The following EFCAB11 variants were observed in gnomAD, a reference collection of about 807,000 sequenced individuals.
EFCAB11 encodes the protein EF-hand calcium binding domain 11.
Under a neutral mutation model 23.0 loss-of-function variants are expected in EFCAB11, and 14 were observed. That is an observed-to-expected ratio of 0.61 (90% CI 0.40 to 0.95). EFCAB11 has a LOEUF of 0.95. Ranked by LOEUF, EFCAB11 falls within the 40% of genes least tolerant of loss-of-function variation. The pLI, the probability that EFCAB11 is intolerant of heterozygous loss-of-function variation, is 0.00. For missense variants in EFCAB11, 198 were observed against 195.8 expected (o/e 1.01, Z -0.07); for synonymous variants, 65 against 66.6 (o/e 0.98, Z 0.11).
At chr14:89,846,014 CTGAGTGACCT>C (rs1475097044) in intron 5 of EFCAB11, among the ~76,000 whole-genome samples, 2 of 152,194 alleles carry the variant, frequency 1.3e-5, no homozygotes, top group Non-Finnish European at 2.9e-5. Context: ...CATTTACAAG[CTGAGTGACCT>C]TGGGCAAGGG....
chr14:89,909,835 ACT>A (rs1373547834), intron 5 of EFCAB11, among the ~76,000 whole-genome samples: 2 of 152,100 alleles, frequency 1.3e-5, no homozygotes, highest in African/African-American at 4.8e-5. Flanking sequence ...CTGCAGATGC[ACT>A]CTGTCTAGAA....
chr14:89,928,793 TTAA>T (rs1451348240), intron 5 of EFCAB11, among the ~76,000 whole-genome samples: 1 of 147,450 alleles, frequency 6.8e-6, no homozygotes, highest in Non-Finnish European at 1.5e-5. Flanking sequence ...ATAAATGCAA[TTAA>T]TTATATATTA....
Position 89,883,519 on chromosome 14 carries a change from T to C in EFCAB11, c.410+48022A>G, listed in dbSNP as rs935664995. Among the ~76,000 whole-genome samples, 3 of 152,202 alleles carry C rather than the reference T, an allele frequency of 2.0e-5. No homozygotes were observed. The East Asian group carries it at 5.8e-4, about 29-fold the overall frequency. On this transcript the variant is annotated intron_variant, in intron 5 of 5. Coordinates refer to ENST00000316738, the MANE Select transcript of EFCAB11 (RefSeq NM_145231.4). ...CTTTAAATCATCTCCAGATTATTCA[T>C]AATGCCTAATACATTGTAAATGGCA...
chr14:89,858,336 C>T (rs116774214), intron 5 of EFCAB11, among the ~76,000 whole-genome samples: 1,802 of 152,250 alleles, frequency 0.012, 46 homozygotes, highest in African/African-American at 0.041. Context: ...TGAACTAGGA[C>T]GACCCAGCAA....
At chr14:89,887,706 ACTG>A (rs1888837531) in intron 5 of EFCAB11, among the ~76,000 whole-genome samples, 1 of 152,234 alleles carries the variant, frequency 6.6e-6, no homozygotes, top group African/African-American at 2.4e-5. Context: ...AAGACAACAG[ACTG>A]TAAATATATT....
At chr14:89,803,902 C>G (rs957593518) in intron 5 of EFCAB11, among the ~76,000 whole-genome samples, 2 of 152,046 alleles carry the variant, frequency 1.3e-5, no homozygotes, top group African/African-American at 4.8e-5. Context: ...ATTAATTTTA[C>G]CTTTTTAAAG....
At chr14:89,815,075 T>C (rs899308673) in intron 5 of EFCAB11, among the ~76,000 whole-genome samples, 1 of 152,174 alleles carries the variant, frequency 6.6e-6, no homozygotes, top group Non-Finnish European at 1.5e-5. Flanking sequence ...TGGTGTGCAG[T>C]TAGCTTAAAC....
intron 5 of EFCAB11, among the ~76,000 whole-genome samples, chr14:89,885,831 A>T (rs1012851285): frequency 6.6e-6 from 1 of 151,764 alleles, no homozygotes; most frequent in African/African-American, 2.4e-5. Flanking sequence ...AAGGAAAGAG[A>T]AAGAAAGAAG....
At position 89,797,146 on chromosome 14, in the gene EFCAB11, A is replaced by C; in HGVS notation, c.*97T>G. On this transcript the variant is annotated 3_prime_UTR_variant, in exon 6 of 6. Coordinates refer to ENST00000316738, the MANE Select transcript of EFCAB11 (RefSeq NM_145231.4). ...AAAATTAAAAATTTTTAAATGTTTA[A>C]TCACAAGTCTGTAGCATGACATCAT... 8.3e-7 allele frequency: 1 copy of C among 1,207,146 alleles called. No homozygotes were observed. Among genetic ancestry groups the C allele is most frequent in the Non-Finnish European group, 1.2e-6 (1 of 858,012 alleles). 74.8% of individuals were successfully genotyped at this position (1,207,146 alleles called of 1,614,324 possible).
At chr14:89,878,255 T>C (rs1311116389) in intron 5 of EFCAB11, among the ~76,000 whole-genome samples, 1 of 152,194 alleles carries the variant, frequency 6.6e-6, no homozygotes, top group Non-Finnish European at 1.5e-5. Context: ...CTTTTAGTTT[T>C]TACAAAGTCA....
chr14:89,921,629 C>T (rs1279733355), intron 5 of EFCAB11, among the ~76,000 whole-genome samples: 1 of 152,144 alleles, frequency 6.6e-6, no homozygotes, highest in African/African-American at 2.4e-5. Context: ...ATGCATTTAT[C>T]TGAGGTAGCC....
chr14:89,833,187 T>C (rs1352224748), intron 5 of EFCAB11: 1 of 152,164 alleles, frequency 6.6e-6, no homozygotes, highest in African/African-American at 2.4e-5. Context: ...CCTATTTAAG[T>C]AGAGAGTAGC....
intron 5 of EFCAB11, among the ~76,000 whole-genome samples, chr14:89,819,551 C>T (rs1414636066): frequency 3.3e-5 from 5 of 152,158 alleles, no homozygotes; most frequent in Non-Finnish European, 5.9e-5. Flanking sequence ...TCCAGAGTAG[C>T]TGGGACTACA....
intron 5 of EFCAB11, among the ~76,000 whole-genome samples, chr14:89,823,233 C>T (rs1372312144): frequency 6.6e-6 from 1 of 152,172 alleles, no homozygotes; most frequent in Non-Finnish European, 1.5e-5. Context: ...GGAATATGGG[C>T]ATCCACCAGG....
chr14:89,934,986 C>T (rs1158367999), intron 3 of EFCAB11, among the ~76,000 whole-genome samples: 1 of 152,080 alleles, frequency 6.6e-6, no homozygotes, highest in Non-Finnish European at 1.5e-5. Flanking sequence ...TTTCGCACTC[C>T]ACACCTTTGC....
rs181896061 is a variant in EFCAB11, at chr14:89,810,290, G to A, written c.411-12966C>T. Among the ~76,000 whole-genome samples, 561 of 152,316 alleles carry A rather than the reference G, an allele frequency of 3.7e-3. 2 individuals carry two copies. Among genetic ancestry groups the A allele is most frequent in the African/African-American group, 0.013 (548 of 41,566 alleles). On this transcript the variant is annotated intron_variant, in intron 5 of 5. Transcript: ENST00000316738. ...CCTATGATCTTACACCAATTGCTGT[G>A]AAAATGTTGGCACTTTTCCTTCCGT... is the stretch of plus-strand genomic sequence containing the variant.
At chr14:89,930,455 C>T (rs1280448855) in intron 5 of EFCAB11, among the ~76,000 whole-genome samples, 2 of 152,178 alleles carry the variant, frequency 1.3e-5, no homozygotes, top group African/African-American at 4.8e-5. Flanking sequence ...TTTCCAAAAC[C>T]CTTCCCCCTT....
At chr14:89,909,768 T>C (rs1889612129) in intron 5 of EFCAB11, among the ~76,000 whole-genome samples, 1 of 152,188 alleles carries the variant, frequency 6.6e-6, no homozygotes, top group African/African-American at 2.4e-5. Flanking sequence ...ATAGGTGTAT[T>C]TGATAGTAGG....
At chr14:89,917,076 G>A (rs1270987582) in intron 5 of EFCAB11, among the ~76,000 whole-genome samples, 1 of 138,404 alleles carries the variant, frequency 7.2e-6, no homozygotes, top group Non-Finnish European at 1.5e-5. Flanking sequence ...GTGTGTGTGT[G>A]TGTGTGTGTG....
Sources: allele counts gnomAD v4.1 joint callset (sites outside exome capture counted in the v4.1 genomes callset), GRCh38; gene constraint gnomAD v4.1.1; transcripts MANE v1.5; gene names NCBI Gene and HGNC (gene_info 2026-07-23, HGNC 2026-07-21).